Variants in TSG101 observed in about 807,000 individuals in gnomAD.
The protein encoded by TSG101 is tumor susceptibility gene 101 protein.
TSG101 carries 19 observed loss-of-function variants against 48.5 expected under a neutral mutation model. That is an observed-to-expected ratio of 0.39 (90% CI 0.27 to 0.58). TSG101 has a LOEUF of 0.58. Ranked by LOEUF, TSG101 falls within the 20% of genes least tolerant of loss-of-function variation. TSG101 has a pLI of 0.55. For missense variants in TSG101, 365 were observed against 484.4 expected, an observed-to-expected ratio of 0.75 and a Z score of 2.31; for synonymous variants, 174 against 169.4, an observed-to-expected ratio of 1.03 and a Z score of -0.21.
chr11:18,484,185 G>C lies in TSG101; in HGVS notation c.641-113C>G, dbSNP rs78251685. 1,240 of 1,023,568 alleles carry C rather than the reference G, an allele frequency of 1.2e-3. 9 individuals are homozygous for C. In the African/African-American group the frequency reaches 0.019, roughly 15 times the overall value. 63.4% of individuals were successfully genotyped at this position (1,023,568 alleles called of 1,614,324 possible). Reference sequence around the variant, plus strand: ...TGAACCGACACTTTCAAAATGTGAGGAAAGAAAAAAATTATGTTACCAGTT... The same window carrying C: ...TGAACCGACACTTTCAAAATGTGAGCAAAGAAAAAAATTATGTTACCAGTT... On this transcript the variant is annotated intron_variant, in intron 7 of 9. Transcript: ENST00000251968.
At chr11:18,506,966 C>G in intron 5 of TSG101, 43 bp from the exon 6 acceptor site, 2 of 1,513,626 alleles carry the variant, frequency 1.3e-6, no homozygotes, top group South Asian at 1.2e-5. Flanking sequence ...ATATACAAGG[C>G]CTGAATATGT....
intron 7 of TSG101, among the ~76,000 whole-genome samples, chr11:18,499,403 T>TATA (rs1554970813): frequency 4.4e-4 from 3 of 6,850 alleles, no homozygotes; most frequent in Admixed American, 3.4e-3. Flanking sequence ...TATATATATA[T>TATA]TTTTTTTTTT....
intron 7 of TSG101, among the ~76,000 whole-genome samples, chr11:18,486,879 CAAT>C (rs1371812239): frequency 3.3e-5 from 5 of 151,942 alleles, no homozygotes; most frequent in African/African-American, 9.7e-5. Flanking sequence ...AAATGTCCAA[CAAT>C]GATAGACTGG....
At chr11:18,523,796 C>A (rs1267612503) in intron 1 of TSG101, among the ~76,000 whole-genome samples, 1 of 152,224 alleles carries the variant, frequency 6.6e-6, no homozygotes, top group Non-Finnish European at 1.5e-5. Flanking sequence ...GCCATTGCAC[C>A]TGGCCAATTT....
chr11:18,493,965 A>C (rs1849736524), intron 7 of TSG101, among the ~76,000 whole-genome samples: 1 of 152,206 alleles, frequency 6.6e-6, no homozygotes, highest in Admixed American at 6.5e-5. Flanking sequence ...TTAAACACTC[A>C]GAAAAATGCG....
chr11:18,483,883 A>T lies in TSG101; in HGVS notation c.830T>A (p.Leu277Ter). ...TGAGTCACTTACTACTTCTTGATCT[A>T]AACGGGTAACCATCTCTTCCAGTTT... Reference protein sequence around the residue: ...HQKLEEMVTRLDQEVAEVDKN... With the variant: ...HQKLEEMVTR Residue 277 changes from leucine to a stop codon, truncating the protein, a stop_gained, in exon 8 of 10, where the codon TTA (leucine) becomes TAA (stop). Transcript: ENST00000251968. LOFTEE classifies it high-confidence loss of function. 6.2e-7 allele frequency: 1 copy of T among 1,614,148 alleles called. No homozygotes were observed. Among genetic ancestry groups the T allele is most frequent in the Non-Finnish European group, 8.5e-7 (1 of 1,180,040 alleles).
chr11:18,526,748 T>G (rs779155131), intron 1 of TSG101, 27 bp downstream of exon 1: 4 of 1,598,062 alleles, frequency 2.5e-6, no homozygotes, highest in Non-Finnish European at 2.5e-6. Context: ...GGGCGCGCCC[T>G]GGGAGGCGAG....
chr11:18,509,768 T>C, intron 4 of TSG101, 103 bp from the exon 5 acceptor site: 1 of 1,260,042 alleles, frequency 7.9e-7, no homozygotes, highest in Non-Finnish European at 1.1e-6. Flanking sequence ...TTGATAATTT[T>C]CTTTGTAGGA....
rs1434270201 is a variant in TSG101, at chr11:18,514,753, T to C, written c.282A>G (p.Ser94=). The change falls in exon 4 of 10, where the codon TCA becomes TCG. Residue 94 remains serine, a synonymous_variant. Coordinates refer to ENST00000251968, the MANE Select transcript of TSG101 (RefSeq NM_006292.4). ...CATGCTTTCCTGTTTTAATAGTCAT[T>C]GAACTAGTAGGCTTAACAAAACAGA... ...PPICFVKPTS[S]MTIKTGKHVD... The C allele has an allele frequency of 6.3e-7, 1 of 1,597,496 alleles. No individual in the cohort carries two copies. Among genetic ancestry groups the C allele is most frequent in the South Asian group, 1.1e-5 (1 of 87,714 alleles).
At chr11:18,488,852 G>A (rs1428584089) in intron 7 of TSG101, among the ~76,000 whole-genome samples, 3 of 152,116 alleles carry the variant, frequency 2.0e-5, no homozygotes, top group Admixed American at 1.3e-4. Context: ...GGGGCCGGGC[G>A]CAGTGGCTCA....
intron 7 of TSG101, among the ~76,000 whole-genome samples, chr11:18,498,153 G>A (rs973135607): frequency 6.6e-6 from 1 of 152,122 alleles, no homozygotes; most frequent in Non-Finnish European, 1.5e-5. Context: ...CACAGAAATA[G>A]GCCGTGGACA....
intron 7 of TSG101, among the ~76,000 whole-genome samples, chr11:18,501,769 A>G (rs1428756656): frequency 6.6e-6 from 1 of 152,152 alleles, no homozygotes; most frequent in Non-Finnish European, 1.5e-5. Flanking sequence ...GTTTGTCTCA[A>G]TTGGACTCTT....
intron 7 of TSG101, chr11:18,490,756 T>G (rs778442237): frequency 1.2e-5 from 6 of 498,186 alleles, no homozygotes; most frequent in East Asian, 9.8e-5. Context: ...TCCTCTGTTT[T>G]CTGCTCAATG....
At chr11:18,480,715 G>A in intron 9 of TSG101, 80 bp from the exon 10 acceptor site, 5 of 1,331,588 alleles carry the variant, frequency 3.8e-6, no homozygotes, top group Non-Finnish European at 5.3e-6. Flanking sequence ...TTGTAACCTA[G>A]ATGGGATCTA....
At chr11:18,491,283 C>T (rs926058086) in intron 7 of TSG101, among the ~76,000 whole-genome samples, 1 of 151,476 alleles carries the variant, frequency 6.6e-6, no homozygotes, top group Non-Finnish European at 1.5e-5. Context: ...GACAGTCTAA[C>T]AGTGTGATTT....
chr11:18,512,273 G>A lies in TSG101; in HGVS notation c.357+2405C>T, dbSNP rs539677004. Reference sequence around the variant, plus strand: ...ATACAAAAATTAGCCAGGTGTGGTGGTGGGCGCCTGTAATCCCAGCTACTC... The same window carrying A: ...ATACAAAAATTAGCCAGGTGTGGTGATGGGCGCCTGTAATCCCAGCTACTC... On this transcript the variant is annotated intron_variant, in intron 4 of 9. Transcript: ENST00000251968. 5.9e-5 allele frequency among the ~76,000 whole-genome samples: 9 copies of A among 152,182 alleles called. 1 individual carries two copies. The East Asian group carries it at 1.7e-3, about 29-fold the overall frequency.
At chr11:18,523,502 T>A (rs1850314535) in intron 1 of TSG101, among the ~76,000 whole-genome samples, 1 of 152,126 alleles carries the variant, frequency 6.6e-6, no homozygotes, top group African/African-American at 2.4e-5. Context: ...TTATTATTTT[T>A]ATTTATTTAT....
chr11:18,514,872 T>C (rs759318487), intron 3 of TSG101, 31 bp from the exon 4 acceptor site: 27 of 1,500,064 alleles, frequency 1.8e-5, no homozygotes, highest in African/African-American at 2.9e-5. Context: ...TCAGTTACTC[T>C]ATTTTTATTA....
At position 18,480,461 on chromosome 11, in the gene TSG101, C is replaced by A; in HGVS notation, c.*85G>T. On this transcript the variant is annotated 3_prime_UTR_variant, in exon 10 of 10. Coordinates refer to ENST00000251968, the MANE Select transcript of TSG101 (RefSeq NM_006292.4). ...TATTTTACACTTGAATGATAAACTG[C>A]AATAACTTATTCTGGGCACCTACTG... The A allele has an allele frequency of 1.0e-6, 1 of 990,610 alleles. No individual in the cohort carries two copies. Among genetic ancestry groups the A allele is most frequent in the African/African-American group, 1.6e-5 (1 of 61,038 alleles). The allele number at this position is 990,610 out of a possible 1,614,324, so 61.4% of individuals were successfully genotyped here.
Sources: gnomAD v4.1 joint callset for allele counts (sites outside exome capture counted in the v4.1 genomes callset) on GRCh38, gnomAD v4.1.1 for gene constraint, MANE v1.5 for transcripts, NCBI Gene and HGNC (gene_info 2026-07-23, HGNC 2026-07-21) for gene names.